The following REPS1 variants were observed in gnomAD, a reference collection of about 807,000 sequenced individuals.
REPS1 encodes the protein ralBP1-associated Eps domain-containing protein 1.
A neutral mutation model predicts 100.9 loss-of-function variants in REPS1; 39 were observed. The ratio of observed to expected loss-of-function variants is 0.39; its 90% CI spans 0.30 to 0.50. REPS1 has a LOEUF of 0.50. Ranked by LOEUF, REPS1 falls within the 20% of genes least tolerant of loss-of-function variation. REPS1 has a pLI of 0.86. For missense variants in REPS1, 821 were observed against 968.5 expected (o/e 0.85, Z 2.02); for synonymous variants, 324 against 340.3 (o/e 0.95, Z 0.53).
In REPS1 at chr6:138,904,553, T is replaced by A. The variant is rs947296572; in HGVS notation, c.*511A>T. ...AGGCTTCAATGTACCACATGATTTG[T>A]GAAGAATGTAGACGGCTGCAGAGAG... is the stretch of plus-strand genomic sequence containing the variant. On this transcript the variant is annotated 3_prime_UTR_variant, in exon 20 of 20. Transcript: ENST00000450536. 2 of 152,270 alleles carry A rather than the reference T, an allele frequency of 1.3e-5. No homozygotes were observed. Among genetic ancestry groups the A allele is most frequent in the African/African-American group, 4.8e-5 (2 of 41,470 alleles). 9.4% of individuals were successfully genotyped at this position (152,270 alleles called of 1,614,324 possible).
intron 13 of REPS1, chr6:138,916,227 T>C (rs1004624024): frequency 1.5e-4 from 47 of 313,734 alleles, no homozygotes; most frequent in Middle Eastern, 2.0e-3. Flanking sequence ...TCTTTTTTTT[T>C]TTTTTTTTTT....
At chr6:138,925,677 CAG>C (rs1056466402) in intron 10 of REPS1, among the ~76,000 whole-genome samples, 5 of 146,648 alleles carry the variant, frequency 3.4e-5, no homozygotes, top group African/African-American at 1.0e-4. Context: ...AAAAAAAAGA[CAG>C]AGAGAGAAAG....
At chr6:138,960,785 A>G (rs367582471) in intron 1 of REPS1, among the ~76,000 whole-genome samples, 2 of 152,226 alleles carry the variant, frequency 1.3e-5, no homozygotes, top group South Asian at 4.1e-4. Flanking sequence ...CCGAAACCAC[A>G]TCAAGAAACT....
At chr6:138,911,409 A>G in intron 16 of REPS1, 38 bp from the exon 17 acceptor site, 1 of 1,267,996 alleles carries the variant, frequency 7.9e-7, no homozygotes, top group Non-Finnish European at 1.2e-6. Context: ...AATTCTACAT[A>G]ACATGTAATT....
At chr6:138,980,447 C>G (rs903440520) in intron 1 of REPS1, among the ~76,000 whole-genome samples, 24 of 152,134 alleles carry the variant, frequency 1.6e-4, no homozygotes, top group African/African-American at 5.1e-4. Context: ...GCCATTCTCC[C>G]CTCTTGTCCA....
intron 12 of REPS1, 69 bp downstream of exon 12, chr6:138,920,146 A>C: frequency 2.4e-6 from 2 of 844,878 alleles, no homozygotes; most frequent in Admixed American, 1.8e-5. Context: ...ATGCATACAC[A>C]TCTGAAATAG....
At chr6:138,983,544 G>T (rs1253994812) in intron 1 of REPS1, among the ~76,000 whole-genome samples, 1 of 152,168 alleles carries the variant, frequency 6.6e-6, no homozygotes, top group Non-Finnish European at 1.5e-5. Context: ...CCATGAAAAT[G>T]ATTTGCCTGG....
At chr6:138,943,731 G>T in intron 6 of REPS1, 122 bp downstream of exon 6, 1 of 1,055,910 alleles carries the variant, frequency 9.5e-7, no homozygotes, top group Non-Finnish European at 1.3e-6. Flanking sequence ...ATTCTTTTTA[G>T]ACAAATAATC....
At chr6:138,933,187 G>A (rs546849765) in intron 8 of REPS1, among the ~76,000 whole-genome samples, 1 of 152,258 alleles carries the variant, frequency 6.6e-6, no homozygotes, top group Non-Finnish European at 1.5e-5. Context: ...TACGTTATCT[G>A]AAAAAGCCAT....
intron 1 of REPS1, among the ~76,000 whole-genome samples, chr6:138,951,882 G>C (rs956136112): frequency 2.0e-5 from 3 of 152,104 alleles, no homozygotes; most frequent in African/African-American, 7.2e-5. Flanking sequence ...TTTCTATAGT[G>C]ATTTCCACTT....
intron 8 of REPS1, among the ~76,000 whole-genome samples, chr6:138,935,727 G>A (rs1466532577): frequency 6.6e-6 from 1 of 151,798 alleles, no homozygotes; most frequent in South Asian, 2.1e-4. Context: ...GGTGGCGCAT[G>A]CCTGTAATCC....
intron 1 of REPS1, 92 bp downstream of exon 1, chr6:138,987,438 G>T: frequency 8.5e-6 from 11 of 1,293,692 alleles, no homozygotes; most frequent in Non-Finnish European, 1.0e-5. Context: ...CCAGCCCCCC[G>T]CCGGGCCCCA....
At chr6:138,949,333 G>GT (rs1395117690) in intron 1 of REPS1, among the ~76,000 whole-genome samples, 1 of 152,166 alleles carries the variant, frequency 6.6e-6, no homozygotes, top group Non-Finnish European at 1.5e-5. Flanking sequence ...TTTATTAAAA[G>GT]TTTTATATTT....
At chr6:138,976,613 AT>A (rs1468820344) in intron 1 of REPS1, among the ~76,000 whole-genome samples, 1 of 152,220 alleles carries the variant, frequency 6.6e-6, no homozygotes, top group East Asian at 1.9e-4. Flanking sequence ...ATAATTTCCC[AT>A]AATATTAAGA....
intron 10 of REPS1, among the ~76,000 whole-genome samples, chr6:138,921,976 A>AGTGTGTGTGTGTGTGTGT (rs71895504): frequency 0.05 from 7,402 of 148,490 alleles, 225 homozygotes; most frequent in Non-Finnish European, 0.07. Context: ...CATCTCAAAA[A>AGTGTGTGTGTGTGTGTGT]GTGTGTGTGT....
intron 1 of REPS1, among the ~76,000 whole-genome samples, chr6:138,984,078 C>CTTTT (rs748774209): frequency 2.2e-5 from 3 of 134,444 alleles, no homozygotes; most frequent in Non-Finnish European, 4.8e-5. Flanking sequence ...CTCTCTCTCT[C>CTTTT]TTTTTTTTTT....
At position 138,980,699 on chromosome 6, in the gene REPS1, A is replaced by G. The variant is rs957786926; in HGVS notation, c.153+6831T>C. 8.6e-3 allele frequency among the ~76,000 whole-genome samples: 508 copies of G among 58,846 alleles called. 11 individuals carry two copies. The highest frequency in any genetic ancestry group is 0.014 in the African/African-American group (171 of 11,896). The allele number at this position is 58,846 out of a possible 152,430, so 38.6% of individuals were successfully genotyped here. A position where few individuals can be genotyped will look rare whatever the true frequency, so the allele number is the denominator to read the frequency against. On this transcript the variant is annotated intron_variant, in intron 1 of 19. Transcript: ENST00000450536. The stretch of plus-strand genomic sequence containing the variant: ...TGTGGGTGGGGCGGGGGGGGGGGGG[A>G]ACGGAGACTTGCTCTGTCACCCAGG...
In REPS1 at chr6:138,915,899, G is replaced by T. The variant is rs1780342054; in HGVS notation, c.1679C>A (p.Ser560Ter). The T allele has an allele frequency of 1.2e-6, 2 of 1,613,812 alleles. No homozygotes were observed. Residue 560 changes from serine to a stop codon, truncating the protein, a stop_gained, in exon 14 of 20, where the codon TCA (serine) becomes TAA (stop). Transcript: ENST00000450536. LOFTEE classifies it high-confidence loss of function. ...PPRPQPSHSR[S>*]SSLDMNRTFT... Reference sequence around the variant, plus strand: ...GGTCCGATTCATATCTAAAGATGATGATCTAGAATGAGAGGGCTGTGGCCT... The same window carrying T: ...GGTCCGATTCATATCTAAAGATGATTATCTAGAATGAGAGGGCTGTGGCCT...
intron 8 of REPS1, among the ~76,000 whole-genome samples, chr6:138,930,879 T>C (rs990982879): frequency 6.6e-6 from 1 of 152,232 alleles, no homozygotes; most frequent in Non-Finnish European, 1.5e-5. Flanking sequence ...AAATCCATTA[T>C]ACTATTTCAA....
Sources: gnomAD v4.1 joint callset for allele counts (sites outside exome capture counted in the v4.1 genomes callset) on GRCh38, gnomAD v4.1.1 for gene constraint, MANE v1.5 for transcripts, NCBI Gene and HGNC (gene_info 2026-07-23, HGNC 2026-07-21) for gene names.